Variants in KANSL1 observed in about 807,000 individuals in gnomAD.
KANSL1 encodes the protein KAT8 regulatory NSL complex subunit 1.
Under a neutral mutation model 103.6 loss-of-function variants are expected in KANSL1, and 22 were observed. The ratio of observed to expected loss-of-function variants is 0.21; its 90% CI spans 0.15 to 0.30. The LOEUF is 0.30. Ranked by LOEUF, KANSL1 falls within the 10% of genes least tolerant of loss-of-function variation. The pLI is 1.00. For synonymous variants in KANSL1, 600 were observed against 527.6 expected (o/e 1.14, Z -1.88); for missense variants, 1,337 against 1,399.8 (o/e 0.96, Z 0.72).
upstream of KANSL1, among the ~76,000 whole-genome samples, chr17:46,195,006 CTA>C (rs1811574348): frequency 6.6e-6 from 1 of 152,232 alleles, no homozygotes; most frequent in South Asian, 2.1e-4. Context: ...AAAGAATAAA[CTA>C]ATATTTGTAT....
At chr17:46,102,246 C>G (rs1375603034) in intron 2 of KANSL1, among the ~76,000 whole-genome samples, 1 of 151,948 alleles carries the variant, frequency 6.6e-6, no homozygotes, top group Admixed American at 6.6e-5. Flanking sequence ...ACAAATGTAC[C>G]AGAGCCAATA....
At chr17:46,162,742 G>A (rs528265971) in intron 2 of KANSL1, among the ~76,000 whole-genome samples, 1 of 152,174 alleles carries the variant, frequency 6.6e-6, no homozygotes, top group Non-Finnish European at 1.5e-5. Flanking sequence ...TACAAATCAT[G>A]TAAGCCATGT....
rs1057523856 is a variant in KANSL1 at position 46,033,386 on chromosome 17, A to G, written c.2724+17T>C. On this transcript the variant is annotated intron_variant, in intron 12 of 14. Coordinates refer to ENST00000432791, the MANE Select transcript of KANSL1 (RefSeq NM_015443.4). ...GTGTACACACGTGTTCTTCTAACAG[A>G]AGAACCAGGCCATTACCTCTTCATT... 8 of 1,613,108 alleles carry G rather than the reference A, an allele frequency of 5.0e-6. No individual in the cohort carries two copies. The highest frequency in any genetic ancestry group is 6.8e-6 in the Non-Finnish European group (8 of 1,179,182).
intron 7 of KANSL1, among the ~76,000 whole-genome samples, chr17:46,046,626 A>G (rs1322898774): frequency 2.0e-5 from 3 of 149,780 alleles, no homozygotes; most frequent in Non-Finnish European, 4.4e-5. Flanking sequence ...TCACGAGGTC[A>G]GGAGTTCAAG....
At chr17:46,097,691 GA>G (rs2042144784) in intron 2 of KANSL1, among the ~76,000 whole-genome samples, 1 of 152,130 alleles carries the variant, frequency 6.6e-6, no homozygotes, top group Non-Finnish European at 1.5e-5. Flanking sequence ...TATTTTCCCA[GA>G]AAGCAGCAGC....
chr17:46,059,062 G>A (rs111948486), intron 6 of KANSL1, among the ~76,000 whole-genome samples: 71 of 105,860 alleles, frequency 6.7e-4, no homozygotes, highest in Non-Finnish European at 9.1e-4. Flanking sequence ...AAAAAAAAAA[G>A]AAAGAAAGAA....
Position 46,208,802 on chromosome 17 carries a change from G to A in KANSL1, c.-90+14869C>T, listed in dbSNP as rs144091433. Among the ~76,000 whole-genome samples, 1,429 of 147,898 alleles carry A rather than the reference G, an allele frequency of 9.7e-3. 25 individuals carry two copies. Among genetic ancestry groups the A allele is most frequent in the African/African-American group, 0.032 (1,268 of 39,514 alleles). On this transcript the variant is annotated intron_variant, in intron 1 of 14. Coordinates refer to the KANSL1 transcript ENST00000572904. ...CTGGAGGCGGAGGTTGCAGGAAGCC[G>A]AGATCCTGCAACTGCACTCCAGCCT...
rs2046251090 is a variant in KANSL1 at position 46,170,918 on chromosome 17, C to T, written c.1226G>A (p.Gly409Glu). 1 of 1,613,988 alleles carries T rather than the reference C, an allele frequency of 6.2e-7. No homozygotes were observed. Among genetic ancestry groups the T allele is most frequent in the Non-Finnish European group, 8.5e-7 (1 of 1,180,026 alleles). Residue 409 changes from glycine to glutamate, a missense_variant, in exon 2 of 15, where the codon GGG becomes GAG. Around this residue, in one of 2 missense-constraint regions of KANSL1, gnomAD observed 780 missense variants for 923.4 expected, o/e 0.84. Coordinates refer to ENST00000432791, the MANE Select transcript of KANSL1 (RefSeq NM_015443.4). ...TTCTTCCTCTTCAATATCAGACTCC[C>T]CTCCTGAACTACTGTCAGTGACATC... ...DSDVTDSSSGGESDIEEEELT... is the reference protein window; with the variant it reads ...DSDVTDSSSGEESDIEEEELT...
At chr17:46,183,601 G>A (rs2696703) in intron 1 of KANSL1, among the ~76,000 whole-genome samples, 21,857 of 151,206 alleles carry the variant, frequency 0.14, 2,136 homozygotes, top group Middle Eastern at 0.22. Context: ...CAGGGGAGAG[G>A]GGAGAGGAGG....
At chr17:46,050,372 A>C (rs1162202141) in intron 7 of KANSL1, 161 bp downstream of exon 7, 1 of 642,084 alleles carries the variant, frequency 1.6e-6, no homozygotes, top group Admixed American at 3.0e-5. Context: ...GGTTTGGTGG[A>C]TCTGTTACAG....
intron 2 of KANSL1, among the ~76,000 whole-genome samples, chr17:46,121,833 T>C (rs1490169973): frequency 2.0e-5 from 3 of 152,228 alleles, no homozygotes; most frequent in Non-Finnish European, 4.4e-5. Context: ...TATCATAAGA[T>C]GAAAATGCAT....
chr17:46,072,093 C>G (rs1598543374), intron 4 of KANSL1, among the ~76,000 whole-genome samples: 1 of 151,532 alleles, frequency 6.6e-6, no homozygotes, highest in East Asian at 1.9e-4. Flanking sequence ...ATTCATTACT[C>G]CACTCTGGGC....
chr17:46,197,364 T>G (rs2047646279), upstream of KANSL1, among the ~76,000 whole-genome samples: 1 of 152,196 alleles, frequency 6.6e-6, no homozygotes, highest in Non-Finnish European at 1.5e-5. Flanking sequence ...TAATGTAGGC[T>G]GGGCGTGGTG....
At chr17:46,169,992 T>A (rs2147718922) in intron 2 of KANSL1, among the ~76,000 whole-genome samples, 1 of 152,152 alleles carries the variant, frequency 6.6e-6, no homozygotes, top group South Asian at 2.1e-4. Flanking sequence ...AAGAAAAAAA[T>A]TAGCCTGACT....
intron 2 of KANSL1, among the ~76,000 whole-genome samples, chr17:46,118,632 G>A (rs1262653649): frequency 6.6e-6 from 1 of 152,220 alleles, no homozygotes. Flanking sequence ...ATGGTCTAGA[G>A]ACCACATTTT....
At chr17:46,213,154 C>T (rs971006579) in intron 1 of KANSL1, among the ~76,000 whole-genome samples, 2 of 152,238 alleles carry the variant, frequency 1.3e-5, no homozygotes, top group African/African-American at 4.8e-5. Context: ...GAACCATACG[C>T]TTGCCTGTCT....
chr17:46,139,093 G>C (rs1431165376), intron 2 of KANSL1, among the ~76,000 whole-genome samples: 3 of 152,190 alleles, frequency 2.0e-5, no homozygotes, highest in Non-Finnish European at 4.4e-5. Context: ...CAGAAAAATG[G>C]AAAACCAGAA....
chr17:46,157,361 A>C (rs2045486109), intron 2 of KANSL1, among the ~76,000 whole-genome samples: 4 of 152,226 alleles, frequency 2.6e-5, no homozygotes, highest in Admixed American at 2.6e-4. Context: ...CTTACCATTC[A>C]AGGATGAAAT....
intron 4 of KANSL1, among the ~76,000 whole-genome samples, chr17:46,079,080 T>G (rs2078892676): frequency 6.6e-6 from 1 of 152,194 alleles, no homozygotes; most frequent in Admixed American, 6.5e-5. Flanking sequence ...AGGTCTTCCC[T>G]TTCTCTAACC....
Sources: allele counts gnomAD v4.1 joint callset (sites outside exome capture counted in the v4.1 genomes callset), GRCh38; gene constraint gnomAD v4.1.1; regional missense constraint gnomAD v4.1.1; transcripts MANE v1.5; gene names NCBI Gene and HGNC (gene_info 2026-07-23, HGNC 2026-07-21).